Variants in RYR3 observed in about 807,000 individuals in gnomAD.
RYR3 encodes the protein ryanodine receptor 3.
A neutral mutation model predicts 584.3 loss-of-function variants in RYR3; 207 were observed. The observed-to-expected ratio is 0.35, with a 90% CI of 0.32 to 0.40. The LOEUF is 0.40. Ranked by LOEUF, RYR3 falls within the 10% of genes least tolerant of loss-of-function variation. The pLI, the probability that RYR3 is intolerant of heterozygous loss-of-function variation, is 1.00. For synonymous variants in RYR3, 2,416 were observed against 2,248.5 expected, an observed-to-expected ratio of 1.07 and a Z score of -2.11; for missense variants, 5,616 against 6,089.2, an observed-to-expected ratio of 0.92 and a Z score of 2.59.
chr15:33,338,223 G>C (rs561911611), intron 1 of RYR3, among the ~76,000 whole-genome samples: 2 of 152,256 alleles, frequency 1.3e-5, no homozygotes, highest in South Asian at 4.1e-4. Context: ...GGGATTACAG[G>C]CGTGAGCCAC....
At chr15:33,385,710 C>CTTTTTTTTTTTTTTTTTTTTTTTTT (rs10682215) in intron 1 of RYR3, among the ~76,000 whole-genome samples, 2 of 131,400 alleles carry the variant, frequency 1.5e-5, no homozygotes, top group Non-Finnish European at 3.1e-5. Context: ...TTTTTCTTTT[C>CTTTTTTTTTTTTTTTTTTTTTTTTT]TTTTTTTTTT....
At chr15:33,642,264 C>T (rs552364266) in intron 27 of RYR3, among the ~76,000 whole-genome samples, 5 of 152,268 alleles carry the variant, frequency 3.3e-5, no homozygotes, top group East Asian at 1.9e-4. Context: ...CCCTGCTGCT[C>T]GCTTATTGCA....
Position 33,838,370 on chromosome 15 carries a change from G to A in RYR3, c.12390G>A (p.Glu4130=), listed in dbSNP as rs746272646. ...SSYVLEIAGE[E]EEDGSLEPAS... is the part of the protein sequence containing the mutation. ...ACGTGTTAGAAATTGCGGGTGAAGA[G>A]GAAGAAGACGGGTCTCTTGAGCCGG... The change falls in exon 89 of 104, where the codon GAG becomes GAA. Residue 4130 remains glutamate, a synonymous_variant. Transcript: ENST00000634891. The A allele has an allele frequency of 1.9e-6, 3 of 1,614,014 alleles. No individual in the cohort carries two copies. Among genetic ancestry groups the A allele is most frequent in the African/African-American group, 1.3e-5 (1 of 75,036 alleles).
intron 1 of RYR3, among the ~76,000 whole-genome samples, chr15:33,346,632 G>A (rs1972492647): frequency 6.6e-6 from 1 of 152,192 alleles, no homozygotes; most frequent in South Asian, 2.1e-4. Flanking sequence ...AAAATGCCCT[G>A]TTGTGCGGGG....
intron 38 of RYR3, among the ~76,000 whole-genome samples, chr15:33,672,312 C>T (rs2063896611): frequency 6.6e-6 from 1 of 152,216 alleles, no homozygotes; most frequent in African/African-American, 2.4e-5. Context: ...TACCTCAGGC[C>T]TCAGGCACAC....
intron 29 of RYR3, 55 bp from the exon 30 acceptor site, chr15:33,647,367 AAC>A: frequency 7.1e-7 from 1 of 1,416,984 alleles, no homozygotes; most frequent in Admixed American, 1.7e-5. Flanking sequence ...TGCCTGTCGG[AAC>A]TGTGGGATTC....
At position 33,788,440 on chromosome 15, in the gene RYR3, G is replaced by A. The variant is rs187608290; in HGVS notation, c.9812G>A (p.Arg3271His). 73 of 1,613,774 alleles carry A rather than the reference G, an allele frequency of 4.5e-5. No individual in the cohort carries two copies. Among genetic ancestry groups the A allele is most frequent in the Admixed American group, 2.0e-4 (12 of 60,020 alleles). The change falls in exon 67 of 104, where the codon CGC becomes CAC. Residue 3271 changes from arginine (R) to histidine (H), a missense_variant. By Grantham distance (29) the Arg-to-His change is conservative. Transcript: ENST00000634891. ...DLYAFYPMLIRYVDNNRSNWL... is the reference protein window; with the variant it reads ...DLYAFYPMLIHYVDNNRSNWL... ...TATGCCTTCTACCCCATGCTGATCC[G>A]CTACGTGGACAACAACAGGTACGGA...
At chr15:33,431,681 G>A (rs991834672) in intron 1 of RYR3, among the ~76,000 whole-genome samples, 1 of 152,058 alleles carries the variant, frequency 6.6e-6, no homozygotes, top group Admixed American at 6.6e-5. Flanking sequence ...TTGGAGGATC[G>A]CTTGAGACAA....
rs1478551312 is a variant in RYR3 at position 33,865,364 on chromosome 15, G to C, written c.*138G>C. On this transcript the variant is annotated 3_prime_UTR_variant, in exon 104 of 104. Coordinates refer to ENST00000634891, the MANE Select transcript of RYR3 (RefSeq NM_001036.6). ...TTAAAAAAAAAACTGCTGAAAATCTGTGCTATTTTGAAATTGATTTGGCTT... is the reference window on the plus strand; with the variant it reads ...TTAAAAAAAAAACTGCTGAAAATCTCTGCTATTTTGAAATTGATTTGGCTT... 3.1e-6 allele frequency: 2 copies of C among 647,280 alleles called. No homozygotes were observed. The highest frequency in any genetic ancestry group is 2.1e-5 in the South Asian group (1 of 47,882). 40.1% of individuals were successfully genotyped at this position (647,280 alleles called of 1,614,324 possible).
rs1218089808 is a variant in RYR3, at chr15:33,855,252, C to T, written c.14007+340C>T. On this transcript the variant is annotated intron_variant, in intron 98 of 103. Coordinates refer to ENST00000634891, the MANE Select transcript of RYR3 (RefSeq NM_001036.6). ...TCGCTGTGTAGCCCAGGCTGGAGTG[C>T]AGCGGTGGGATCTTGGCTCACTGCA... Among the ~76,000 whole-genome samples the T allele has an allele frequency of 4.6e-5, 7 of 151,890 alleles. No individual in the cohort carries two copies. In the East Asian group the frequency reaches 1.4e-3, roughly 29 times the overall value.
At chr15:33,512,564 G>A (rs534987306) in intron 3 of RYR3, among the ~76,000 whole-genome samples, 1 of 152,294 alleles carries the variant, frequency 6.6e-6, no homozygotes, top group East Asian at 1.9e-4. Flanking sequence ...GGCACCTCAT[G>A]TTTAAGATCA....
intron 3 of RYR3, among the ~76,000 whole-genome samples, chr15:33,524,042 G>A (rs1027984359): frequency 1.3e-5 from 2 of 152,112 alleles, no homozygotes; most frequent in African/African-American, 4.8e-5. Context: ...GCAACTGAAG[G>A]TACAGGGAAT....
At chr15:33,593,884 G>A (rs2059250379) in intron 16 of RYR3, among the ~76,000 whole-genome samples, 1 of 152,070 alleles carries the variant, frequency 6.6e-6, no homozygotes, top group South Asian at 2.1e-4. Flanking sequence ...ATTATACTTG[G>A]CCTAATTATT....
At position 33,539,565 on chromosome 15, in the gene RYR3, T is replaced by C. The variant is rs138349674; in HGVS notation, c.546+103T>C. On this transcript the variant is annotated intron_variant, in intron 6 of 103. Transcript: ENST00000634891. ...CCACAGCAGGTTGGATAGAATAAGA[T>C]GCTTTTACATATATAGAGTTGACCC... is the stretch of plus-strand genomic sequence containing the variant. The C allele has an allele frequency of 1.8e-3, 1,242 of 685,618 alleles. 2 individuals carry two copies. In the African/African-American group the frequency reaches 0.02, roughly 11 times the overall value. The allele number at this position is 685,618 out of a possible 1,614,324, so 42.5% of individuals were successfully genotyped here.
chr15:33,612,429 C>T (rs943315515), intron 18 of RYR3, among the ~76,000 whole-genome samples: 3 of 152,194 alleles, frequency 2.0e-5, no homozygotes, highest in Non-Finnish European at 2.9e-5. Context: ...GGCACGGTCT[C>T]GGCTCTCTGC....
intron 1 of RYR3, among the ~76,000 whole-genome samples, chr15:33,441,088 C>T (rs1181890542): frequency 6.6e-6 from 1 of 152,194 alleles, no homozygotes; most frequent in Non-Finnish European, 1.5e-5. Flanking sequence ...TTGTGCCCAG[C>T]CAGCCACATT....
intron 70 of RYR3, among the ~76,000 whole-genome samples, chr15:33,808,150 G>A (rs1366401953): frequency 2.6e-5 from 4 of 152,222 alleles, no homozygotes; most frequent in Non-Finnish European, 1.5e-5. Context: ...GTGAAGAAGG[G>A]GAGATGTGGA....
intron 69 of RYR3, among the ~76,000 whole-genome samples, chr15:33,805,465 CTCTCTTTTTT>C: frequency 8.9e-6 from 1 of 112,530 alleles, no homozygotes; most frequent in African/African-American, 3.6e-5. Context: ...CCACTTTTCT[CTCTCTTTTTT>C]TTTTTTTTTT....
Position 33,865,055 on chromosome 15 carries a change from C to CAAAG in RYR3, c.14518-73_14518-70dup, listed in dbSNP as rs1300666688. ...ACATCAGTCTTCCTAAAGGGAGCCA[C>CAAAG]AAAGAACAAAAACAAACTGGGTTTT... On this transcript the variant is annotated intron_variant, in intron 103 of 103. Coordinates refer to ENST00000634891, the MANE Select transcript of RYR3 (RefSeq NM_001036.6). 9 of 1,158,246 alleles carry CAAAG rather than the reference C, an allele frequency of 7.8e-6. No homozygotes were observed. The African/African-American group carries it at 1.1e-4, about 14-fold the overall frequency. The allele number at this position is 1,158,246 out of a possible 1,614,324, so 71.7% of individuals were successfully genotyped here.
Sources: allele counts gnomAD v4.1 joint callset (sites outside exome capture counted in the v4.1 genomes callset), GRCh38; gene constraint gnomAD v4.1.1; transcripts MANE v1.5; gene names NCBI Gene and HGNC (gene_info 2026-07-23, HGNC 2026-07-21).